The following KHDRBS2 variants were observed in gnomAD, a reference collection of about 807,000 sequenced individuals.
KHDRBS2 encodes the protein KH RNA binding domain containing, signal transduction associated 2.
Under a neutral mutation model 44.3 loss-of-function variants are expected in KHDRBS2, and 26 were observed. The ratio of observed to expected loss-of-function variants is 0.59; its 90% confidence interval spans 0.43 to 0.81. The LOEUF (loss-of-function observed/expected upper bound fraction) is 0.81. Ranked by LOEUF, KHDRBS2 falls within the 40% of genes least tolerant of loss-of-function variation. The pLI is 0.00. For missense variants in KHDRBS2, 476 were observed against 433.1 expected, an observed-to-expected ratio of 1.10 and a Z score of -0.88; for synonymous variants, 194 against 151.1, an observed-to-expected ratio of 1.28 and a Z score of -2.08.
intron 6 of KHDRBS2, among the ~76,000 whole-genome samples, chr6:61,850,091 C>T (rs1222028541): frequency 6.6e-6 from 1 of 152,126 alleles, no homozygotes; most frequent in Non-Finnish European, 1.5e-5. Flanking sequence ...AGCCTTTACA[C>T]TTGTTAACCC....
intron 6 of KHDRBS2, among the ~76,000 whole-genome samples, chr6:61,794,667 C>T (rs1785066810): frequency 6.6e-6 from 1 of 152,084 alleles, no homozygotes; most frequent in Non-Finnish European, 1.5e-5. Flanking sequence ...AGACCATTGA[C>T]AATTTGAAAT....
At chr6:61,833,631 A>G (rs1319633109) in intron 6 of KHDRBS2, among the ~76,000 whole-genome samples, 1 of 152,122 alleles carries the variant, frequency 6.6e-6, no homozygotes, top group East Asian at 1.9e-4. Context: ...TCCATCATTC[A>G]TCATTCGAGG....
At chr6:62,256,855 T>A (rs1158801869) in intron 1 of KHDRBS2, among the ~76,000 whole-genome samples, 1 of 152,030 alleles carries the variant, frequency 6.6e-6, no homozygotes, top group African/African-American at 2.4e-5. Context: ...TCTGAGCTAG[T>A]TACCTATATT....
At chr6:61,935,169 C>T (rs1256440339) in intron 4 of KHDRBS2, among the ~76,000 whole-genome samples, 1 of 152,048 alleles carries the variant, frequency 6.6e-6, no homozygotes, top group Non-Finnish European at 1.5e-5. Flanking sequence ...AATTTCTATA[C>T]CGACATTTAA....
intron 2 of KHDRBS2, among the ~76,000 whole-genome samples, chr6:62,161,270 T>C (rs1353962135): frequency 3.9e-5 from 6 of 152,004 alleles, no homozygotes; most frequent in Non-Finnish European, 8.8e-5. Context: ...TTAAACTGTT[T>C]ACATTTAAAG....
At chr6:61,793,373 G>A (rs1444332791) in intron 6 of KHDRBS2, among the ~76,000 whole-genome samples, 2 of 151,634 alleles carry the variant, frequency 1.3e-5, no homozygotes, top group African/African-American at 4.8e-5. Flanking sequence ...ATGTTTATAG[G>A]GTATATGTGA....
At chr6:62,127,597 T>G (rs1182829619) in intron 2 of KHDRBS2, among the ~76,000 whole-genome samples, 1 of 152,146 alleles carries the variant, frequency 6.6e-6, no homozygotes, top group Non-Finnish European at 1.5e-5. Flanking sequence ...TAAATTCAAA[T>G]TGAAACAACT....
chr6:62,061,187 T>C lies in KHDRBS2; in HGVS notation c.220-13193A>G, dbSNP rs4437451. 2.8e-4 allele frequency among the ~76,000 whole-genome samples: 42 copies of C among 151,952 alleles called. 1 individual carries two copies. The East Asian group carries it at 7.1e-3, about 26-fold the overall frequency. On this transcript the variant is annotated intron_variant, in intron 2 of 8. Coordinates refer to ENST00000281156, the MANE Select transcript of KHDRBS2 (RefSeq NM_152688.4). ...AGTCCATTTACATTTAGAGTTAATA[T>C]TGTTATGTGTGAATTTGATCCTGTC...
intron 6 of KHDRBS2, among the ~76,000 whole-genome samples, chr6:61,750,963 T>C (rs1777594433): frequency 6.6e-6 from 1 of 152,074 alleles, no homozygotes; most frequent in African/African-American, 2.4e-5. Context: ...TATTATCATA[T>C]ACGACTAAAA....
chr6:62,159,271 G>A (rs1817105387), intron 2 of KHDRBS2, among the ~76,000 whole-genome samples: 4 of 152,196 alleles, frequency 2.6e-5, no homozygotes, highest in South Asian at 4.2e-4. Context: ...CAAAGTAACC[G>A]ATTAGCTAGG....
chr6:61,700,194 G>A (rs1016040961), intron 7 of KHDRBS2, among the ~76,000 whole-genome samples: 1 of 151,702 alleles, frequency 6.6e-6, no homozygotes, highest in Non-Finnish European at 1.5e-5. Context: ...TTTTCTATGA[G>A]TAAGCCCCGA....
At chr6:61,768,765 C>T (rs1330536371) in intron 6 of KHDRBS2, among the ~76,000 whole-genome samples, 3 of 152,072 alleles carry the variant, frequency 2.0e-5, no homozygotes, top group Non-Finnish European at 4.4e-5. Context: ...ACCCTTTTCA[C>T]TGCCCTTGAT....
the KHDRBS2 span, among the ~76,000 whole-genome samples, chr6:61,607,401 AAATT>A: frequency 1.7e-3 from 256 of 151,054 alleles, 1 homozygote; most frequent in African/African-American, 6.0e-3. Context: ...TCAAGAGAAA[AAATT>A]AGTTGATTTT....
At chr6:61,552,710 G>T in the KHDRBS2 span, among the ~76,000 whole-genome samples, 1 of 152,096 alleles carries the variant, frequency 6.6e-6, no homozygotes, top group Non-Finnish European at 1.5e-5. Context: ...AACATAAAGG[G>T]ATGTTGAATT....
At chr6:62,275,556 A>G (rs1276944457) in intron 1 of KHDRBS2, among the ~76,000 whole-genome samples, 1 of 152,194 alleles carries the variant, frequency 6.6e-6, no homozygotes. Flanking sequence ...TTATAAAATG[A>G]ATGTACTGGT....
intron 2 of KHDRBS2, among the ~76,000 whole-genome samples, chr6:62,084,675 T>G (rs1235646962): frequency 1.3e-5 from 2 of 152,184 alleles, no homozygotes; most frequent in African/African-American, 4.8e-5. Flanking sequence ...GGTATGAAAT[T>G]ATTAATGTTG....
At chr6:62,105,774 T>C (rs1803082858) in intron 2 of KHDRBS2, among the ~76,000 whole-genome samples, 1 of 152,164 alleles carries the variant, frequency 6.6e-6, no homozygotes, top group Non-Finnish European at 1.5e-5. Flanking sequence ...TGTCTCTATT[T>C]CCTTCAGTTC....
chr6:61,973,341 G>T (rs917278248), intron 4 of KHDRBS2, among the ~76,000 whole-genome samples: 2 of 151,960 alleles, frequency 1.3e-5, no homozygotes, highest in African/African-American at 2.4e-5. Context: ...CAGTATGATT[G>T]CTGTTAGTAA....
At chr6:62,265,904 C>G (rs1246179472) in intron 1 of KHDRBS2, among the ~76,000 whole-genome samples, 1 of 152,012 alleles carries the variant, frequency 6.6e-6, no homozygotes, top group Non-Finnish European at 1.5e-5. Flanking sequence ...TATAACCTTG[C>G]AAGTGGTGAT....
Sources: gnomAD v4.1 joint callset for allele counts (sites outside exome capture counted in the v4.1 genomes callset) on GRCh38, gnomAD v4.1.1 for gene constraint, MANE v1.5 for transcripts, NCBI Gene and HGNC (gene_info 2026-07-23, HGNC 2026-07-21) for gene names.